The following DYNC1I1 variants were observed in gnomAD, a reference collection of about 807,000 sequenced individuals.
DYNC1I1 encodes the protein cytoplasmic dynein 1 intermediate chain 1.
In DYNC1I1, 43 loss-of-function variants were observed where a neutral mutation model predicts 86.6. The ratio of observed to expected loss-of-function variants is 0.50; its 90% CI spans 0.39 to 0.64. The LOEUF (loss-of-function observed/expected upper bound fraction) is 0.64. DYNC1I1 is among the 30% of genes least tolerant of loss of function. The pLI is 0.00. For missense variants in DYNC1I1, 604 were observed against 788.8 expected, an observed-to-expected ratio of 0.77 and a Z score of 2.81; for synonymous variants, 262 against 283.7, an observed-to-expected ratio of 0.92 and a Z score of 0.77.
At chr7:95,865,595 T>C (rs1472374303) in intron 5 of DYNC1I1, among the ~76,000 whole-genome samples, 1 of 152,196 alleles carries the variant, frequency 6.6e-6, no homozygotes, top group African/African-American at 2.4e-5. Context: ...TGTCACATAA[T>C]GATATTTTGG....
intron 6 of DYNC1I1, among the ~76,000 whole-genome samples, chr7:95,917,262 G>T (rs951430031): frequency 6.6e-6 from 1 of 152,140 alleles, no homozygotes; most frequent in Non-Finnish European, 1.5e-5. Flanking sequence ...AGAAGCGGGT[G>T]GGAGGGGCAT....
At chr7:95,786,661 T>C (rs1794155871) in intron 1 of DYNC1I1, among the ~76,000 whole-genome samples, 1 of 152,166 alleles carries the variant, frequency 6.6e-6, no homozygotes, top group Non-Finnish European at 1.5e-5. Flanking sequence ...TTAAAAATTT[T>C]GGTTGATTAG....
chr7:95,783,444 AG>A (rs1308143765), intron 1 of DYNC1I1, among the ~76,000 whole-genome samples: 3 of 152,166 alleles, frequency 2.0e-5, no homozygotes, highest in Non-Finnish European at 4.4e-5. Flanking sequence ...TACAGATCGT[AG>A]GGGCCAATGT....
chr7:96,046,097 G>A (rs1031087570), intron 14 of DYNC1I1, among the ~76,000 whole-genome samples: 5 of 152,136 alleles, frequency 3.3e-5, no homozygotes, highest in Admixed American at 6.6e-5. Flanking sequence ...AAACTTTGTC[G>A]GAGTGGTTTA....
chr7:95,828,232 A>G, intron 5 of DYNC1I1, 116 bp downstream of exon 5: 1 of 1,176,816 alleles, frequency 8.5e-7, no homozygotes. Context: ...CCAGTTTGAT[A>G]AGTTCGTTTC....
At chr7:95,988,585 T>C (rs2115710741) in intron 9 of DYNC1I1, among the ~76,000 whole-genome samples, 1 of 152,296 alleles carries the variant, frequency 6.6e-6, no homozygotes, top group Admixed American at 6.5e-5. Flanking sequence ...GACATCAGAA[T>C]TTGAACCTAA....
At chr7:95,952,240 A>G (rs1276311335) in intron 6 of DYNC1I1, among the ~76,000 whole-genome samples, 1 of 151,972 alleles carries the variant, frequency 6.6e-6, no homozygotes, top group African/African-American at 2.4e-5. Context: ...ATTCATCCTC[A>G]TGATGAAACC....
chr7:95,935,087 C>T lies in DYNC1I1; in HGVS notation c.491-42425C>T, dbSNP rs1651067453. Among the ~76,000 whole-genome samples, 3 of 151,966 alleles carry T rather than the reference C, an allele frequency of 2.0e-5. No homozygotes were observed. In the South Asian group the frequency reaches 6.2e-4, roughly 32 times the overall value. ...ATAGCAGATCTCTAGAGCTTATTCA[C>T]CTTGCTTGAGTGAAATGTTATGCCT... On this transcript the variant is annotated intron_variant, in intron 6 of 16. Coordinates refer to ENST00000447467, the MANE Select transcript of DYNC1I1 (RefSeq NM_001135556.2).
At chr7:96,020,644 T>C (rs1794523476) in intron 10 of DYNC1I1, among the ~76,000 whole-genome samples, 1 of 152,182 alleles carries the variant, frequency 6.6e-6, no homozygotes, top group Admixed American at 6.5e-5. Context: ...ATCTTGCATT[T>C]CCACTTACAA....
chr7:95,867,111 A>G (rs1169675398), intron 5 of DYNC1I1, among the ~76,000 whole-genome samples: 1 of 152,244 alleles, frequency 6.6e-6, no homozygotes, highest in East Asian at 1.9e-4. Flanking sequence ...ATGTGCCCAT[A>G]TAAAGAAATT....
At chr7:95,988,283 A>G (rs1457444946) in intron 9 of DYNC1I1, among the ~76,000 whole-genome samples, 1 of 152,134 alleles carries the variant, frequency 6.6e-6, no homozygotes, top group African/African-American at 2.4e-5. Context: ...AGGCTGAGGC[A>G]GGAGAATTGC....
At chr7:96,058,792 C>A (rs145766998) in intron 14 of DYNC1I1, among the ~76,000 whole-genome samples, 3 of 144,408 alleles carry the variant, frequency 2.1e-5, no homozygotes. Context: ...TGCTACCATG[C>A]CTGGCTAATT....
At chr7:95,965,665 C>T (rs991609198) in intron 6 of DYNC1I1, among the ~76,000 whole-genome samples, 2 of 152,032 alleles carry the variant, frequency 1.3e-5, no homozygotes, top group Non-Finnish European at 2.9e-5. Context: ...TATGGCAACT[C>T]ATGTATTTAA....
At chr7:96,088,967 A>G (rs1790762470) in intron 16 of DYNC1I1, among the ~76,000 whole-genome samples, 1 of 152,184 alleles carries the variant, frequency 6.6e-6, no homozygotes. Context: ...CTTTTAACCT[A>G]GTAGATAAAT....
chr7:96,107,932 A>G lies in DYNC1I1; in HGVS notation c.1543-2047A>G, dbSNP rs372583785. Among the ~76,000 whole-genome samples the G allele has an allele frequency of 2.7e-5, 4 of 148,576 alleles. No individual in the cohort carries two copies. In the East Asian group the frequency reaches 7.9e-4, roughly 29 times the overall value. The stretch of plus-strand genomic sequence containing the variant: ...CTCATCCCATTGCCTTCCGGCCTCA[A>G]TGATTTCTGACTAAACCAACTATTA... On this transcript the variant is annotated intron_variant, in intron 16 of 16. Transcript: ENST00000537881.
intron 6 of DYNC1I1, among the ~76,000 whole-genome samples, chr7:95,955,797 C>T (rs1252185799): frequency 6.6e-6 from 1 of 152,142 alleles, no homozygotes; most frequent in Admixed American, 6.6e-5. Flanking sequence ...GTGAACATAG[C>T]CTACAGTAGT....
chr7:95,980,463 A>G (rs548248112), intron 7 of DYNC1I1, among the ~76,000 whole-genome samples: 213 of 151,438 alleles, frequency 1.4e-3, no homozygotes, highest in African/African-American at 5.0e-3. Flanking sequence ...TTACTCAGCC[A>G]TAAAGATTTG....
chr7:95,919,037 A>G (rs556862675), intron 6 of DYNC1I1, among the ~76,000 whole-genome samples: 16 of 152,320 alleles, frequency 1.1e-4, no homozygotes, highest in African/African-American at 3.1e-4. Context: ...CCTTTTGTAC[A>G]GAGTAGGCAA....
intron 14 of DYNC1I1, among the ~76,000 whole-genome samples, chr7:96,058,800 ATTTTTTT>A (rs35348142): frequency 1.3e-4 from 13 of 98,744 alleles, no homozygotes; most frequent in South Asian, 7.7e-4. Context: ...TGCCTGGCTA[ATTTTTTT>A]TTTTTTTTTT....
Sources: allele counts gnomAD v4.1 joint callset (sites outside exome capture counted in the v4.1 genomes callset), GRCh38; gene constraint gnomAD v4.1.1; transcripts MANE v1.5; gene names NCBI Gene and HGNC (gene_info 2026-07-23, HGNC 2026-07-21).